RNFT2: variants seen among roughly 807,000 people sequenced by gnomAD.
The protein encoded by RNFT2 is E3 ubiquitin-protein ligase RNFT2.
A neutral mutation model predicts 53.0 loss-of-function variants in RNFT2; 36 were observed. The ratio of observed to expected loss-of-function variants is 0.68; its 90% confidence interval spans 0.52 to 0.90. The LOEUF (loss-of-function observed/expected upper bound fraction) is 0.90, where lower values mean the gene tolerates loss of function less well. Among genes scored for constraint, RNFT2 ranks in the 40% least tolerant of loss-of-function variants. RNFT2 has a pLI of 0.00. For missense variants in RNFT2, 514 were observed against 585.6 expected (o/e 0.88, Z 1.26); for synonymous variants, 260 against 253.2 (o/e 1.03, Z -0.26).
chr12:116,795,323 G>A (rs573945102), intron 7 of RNFT2, among the ~76,000 whole-genome samples: 4 of 151,590 alleles, frequency 2.6e-5, no homozygotes, highest in Non-Finnish European at 2.9e-5. Flanking sequence ...CAGAAGAATC[G>A]CTTGAACCCA....
At chr12:116,775,489 C>G (rs921372420) in intron 6 of RNFT2, among the ~76,000 whole-genome samples, 2 of 152,164 alleles carry the variant, frequency 1.3e-5, no homozygotes, top group Non-Finnish European at 2.9e-5. Context: ...CTTGAATCTT[C>G]TCAGGATTTG....
At chr12:116,843,509 A>AC (rs1416212459) in intron 10 of RNFT2, among the ~76,000 whole-genome samples, 4 of 149,948 alleles carry the variant, frequency 2.7e-5, no homozygotes, top group Admixed American at 6.6e-5. Context: ...AAAAAAAAAA[A>AC]AAAAAACCCC....
chr12:116,741,150 G>A, intron 3 of RNFT2, 56 bp downstream of exon 3: 1 of 1,447,858 alleles, frequency 6.9e-7, no homozygotes, highest in Admixed American at 1.9e-5. Context: ...GTGGTGAGGG[G>A]CAACCCAAAA....
Position 116,852,024 on chromosome 12 carries a change from G to A in RNFT2, c.*2576G>A. 2 of 1,321,762 alleles carry A rather than the reference G, an allele frequency of 1.5e-6. No homozygotes were observed. The highest frequency in any genetic ancestry group is 2.7e-5 in the Admixed American group (1 of 37,082). 81.9% of individuals were successfully genotyped at this position (1,321,762 alleles called of 1,614,324 possible). A position where few individuals can be genotyped will look rare whatever the true frequency, so the allele number is the denominator to read the frequency against. ...GTGGCATGGAGCACCGTAACCATCTGTGCTTCTGTGATCTCTATGACAGAG... is the reference window on the plus strand; with the variant it reads ...GTGGCATGGAGCACCGTAACCATCTATGCTTCTGTGATCTCTATGACAGAG... On this transcript the variant is annotated 3_prime_UTR_variant, in exon 11 of 11. Transcript: ENST00000257575.
At chr12:116,771,179 GT>G (rs1465504183) in intron 6 of RNFT2, among the ~76,000 whole-genome samples, 2 of 152,176 alleles carry the variant, frequency 1.3e-5, no homozygotes, top group East Asian at 3.9e-4. Context: ...CATGTGGATA[GT>G]CCAGGTGCGT....
At position 116,849,298 on chromosome 12, in the gene RNFT2, A is replaced by T; in HGVS notation, c.1201-16A>T. The T allele has an allele frequency of 6.6e-7, 1 of 1,526,296 alleles. No homozygotes were observed. Among genetic ancestry groups the T allele is most frequent in the Non-Finnish European group, 8.8e-7 (1 of 1,135,954 alleles). 94.5% of individuals were successfully genotyped at this position (1,526,296 alleles called of 1,614,324 possible). A position where few individuals can be genotyped will look rare whatever the true frequency, so the allele number is the denominator to read the frequency against. The stretch of plus-strand genomic sequence containing the variant: ...CAGTAAAGAGTCCTGGTGCCTGCTG[A>T]TTGCTGTCCCCGCAGCACGTGTTCT... On this transcript the variant is annotated splice_polypyrimidine_tract_variant and intron_variant, in intron 10 of 10. Transcript: ENST00000257575.
chr12:116,745,626 A>G (rs1486288116), intron 3 of RNFT2, among the ~76,000 whole-genome samples: 2 of 152,182 alleles, frequency 1.3e-5, no homozygotes, highest in Non-Finnish European at 2.9e-5. Flanking sequence ...ACCGTGTCCC[A>G]CTGCTGTGTG....
rs1159943371 is a variant in RNFT2 at position 116,771,488 on chromosome 12, A to ATATAT, written c.728+4574_728+4575insTATAT. ...AAAAAAAAAAAAAAAAAAAAAAAAA[A>ATATAT]AAAAAAATACGTATATGAGCAATTT... On this transcript the variant is annotated intron_variant, in intron 6 of 10. Coordinates refer to ENST00000257575, the MANE Select transcript of RNFT2 (RefSeq NM_001382266.1). Among the ~76,000 whole-genome samples, 163 of 99,912 alleles carry ATATAT rather than the reference A, an allele frequency of 1.6e-3. 2 individuals are homozygous for ATATAT. Among genetic ancestry groups the ATATAT allele is most frequent in the Non-Finnish European group, 2.0e-3 (105 of 51,314 alleles). 65.5% of individuals were successfully genotyped at this position (99,912 alleles called of 152,430 possible). A position where few individuals can be genotyped will look rare whatever the true frequency, so the allele number is the denominator to read the frequency against.
At chr12:116,845,412 T>C (rs1877561847) in intron 10 of RNFT2, among the ~76,000 whole-genome samples, 1 of 151,938 alleles carries the variant, frequency 6.6e-6, no homozygotes, top group South Asian at 2.1e-4. Context: ...AGTACTTACA[T>C]TTGCAGGAGA....
intron 7 of RNFT2, among the ~76,000 whole-genome samples, chr12:116,811,812 C>T (rs1032778617): frequency 5.3e-5 from 8 of 152,238 alleles, no homozygotes; most frequent in African/African-American, 1.7e-4. Context: ...CTCTTCTCCT[C>T]GGGGCCCAGA....
chr12:116,783,894 G>A (rs530265301), intron 7 of RNFT2, among the ~76,000 whole-genome samples: 2 of 152,304 alleles, frequency 1.3e-5, no homozygotes, highest in Admixed American at 6.5e-5. Context: ...CTTAGAGGCC[G>A]CTTAACCGTG....
In RNFT2 at chr12:116,793,223, T is replaced by TG. The variant is rs1206771713; in HGVS notation, c.882+13875_882+13876insG. ...ATATCCAGATAGCTTTTTTTTTTTT[T>TG]TTTTTTGAGGCAGGGTTTCATTGTC... On this transcript the variant is annotated intron_variant, in intron 7 of 10. Transcript: ENST00000257575. 7.9e-5 allele frequency among the ~76,000 whole-genome samples: 12 copies of TG among 151,220 alleles called. No homozygotes were observed. In the South Asian group the frequency reaches 1.3e-3, roughly 16 times the overall value.
chr12:116,790,776 G>C (rs1347049452), intron 7 of RNFT2, among the ~76,000 whole-genome samples: 1 of 152,174 alleles, frequency 6.6e-6, no homozygotes, highest in Non-Finnish European at 1.5e-5. Flanking sequence ...GGGCAACATG[G>C]TGAAACCCTG....
At chr12:116,759,917 C>G (rs1872632980) in intron 5 of RNFT2, among the ~76,000 whole-genome samples, 1 of 152,106 alleles carries the variant, frequency 6.6e-6, no homozygotes, top group African/African-American at 2.4e-5. Flanking sequence ...CTAGAACTCT[C>G]GAGTTTCTAT....
At chr12:116,760,473 G>A (rs1206104796) in intron 5 of RNFT2, among the ~76,000 whole-genome samples, 1 of 152,224 alleles carries the variant, frequency 6.6e-6, no homozygotes, top group Non-Finnish European at 1.5e-5. Flanking sequence ...TGCCAGACAG[G>A]AATGGGCTGC....
Position 116,852,858 on chromosome 12 carries a change from A to G in RNFT2, c.*3410A>G, listed in dbSNP as rs917251976. The G allele has an allele frequency of 6.8e-6, 5 of 739,118 alleles. No individual in the cohort carries two copies. Among genetic ancestry groups the G allele is most frequent in the Non-Finnish European group, 1.1e-5 (5 of 442,332 alleles). 45.8% of individuals were successfully genotyped at this position (739,118 alleles called of 1,614,324 possible). On this transcript the variant is annotated 3_prime_UTR_variant, in exon 11 of 11. Coordinates refer to ENST00000257575, the MANE Select transcript of RNFT2 (RefSeq NM_001382266.1). ...CCTGCTGGAACCAAGGAAACTAACAATGTAGGTTACTAGTGAATACCCCAA... is the reference window on the plus strand; with the variant it reads ...CCTGCTGGAACCAAGGAAACTAACAGTGTAGGTTACTAGTGAATACCCCAA...
At chr12:116,753,140 TTC>T (rs1872326265) in intron 4 of RNFT2, among the ~76,000 whole-genome samples, 1 of 79,996 alleles carries the variant, frequency 1.3e-5, no homozygotes, top group Non-Finnish European at 2.7e-5. Context: ...TTTTTCTTTT[TTC>T]TTTTTCTTTT....
intron 7 of RNFT2, among the ~76,000 whole-genome samples, chr12:116,813,721 AATTCATGAGAATGTTGCAGAT>A (rs1272536730): frequency 6.6e-6 from 1 of 152,240 alleles, no homozygotes; most frequent in Admixed American, 6.5e-5. Flanking sequence ...GAAGGTAATT[AATTCATGAGAATGTTGCAGAT>A]ATTTCTCCCT....
intron 7 of RNFT2, among the ~76,000 whole-genome samples, chr12:116,825,941 G>A (rs57175151): frequency 0.026 from 3,959 of 151,982 alleles, 160 homozygotes; most frequent in African/African-American, 0.089. Flanking sequence ...AAAGAGATTC[G>A]TAAACAGGCA....
Sources: gnomAD v4.1 joint callset for allele counts (sites outside exome capture counted in the v4.1 genomes callset) on GRCh38, gnomAD v4.1.1 for gene constraint, MANE v1.5 for transcripts, NCBI Gene and HGNC (gene_info 2026-07-23, HGNC 2026-07-21) for gene names.